SRBD1: variants seen among roughly 807,000 people sequenced by gnomAD.
The protein encoded by SRBD1 is S1 RNA-binding domain-containing protein 1.
A neutral mutation model predicts 115.3 loss-of-function variants in SRBD1; 88 were observed. The observed-to-expected ratio is 0.76, with a 90% confidence interval of 0.64 to 0.91. SRBD1 has a LOEUF of 0.91. Among genes scored for constraint, SRBD1 ranks in the 40% least tolerant of loss-of-function variants. The probability of loss-of-function intolerance (pLI) is 0.00; values close to 1 mark genes in which losing one functional copy is unlikely to be tolerated. For missense variants in SRBD1, 1,385 were observed against 1,177.4 expected (o/e 1.18, Z -2.58); for synonymous variants, 509 against 407.7 (o/e 1.25, Z -2.99).
At chr2:45,596,440 G>C (rs1186310063) in intron 4 of SRBD1, among the ~76,000 whole-genome samples, 1 of 152,180 alleles carries the variant, frequency 6.6e-6, no homozygotes, top group African/African-American at 2.4e-5. Context: ...TTCTCTCAAA[G>C]CTCTGAAATC....
chr2:45,536,703 T>A (rs929239319), intron 14 of SRBD1, among the ~76,000 whole-genome samples: 1 of 152,162 alleles, frequency 6.6e-6, no homozygotes, highest in Non-Finnish European at 1.5e-5. Flanking sequence ...AGTACATTTG[T>A]CCAGCTTACA....
chr2:45,546,991 C>T lies in SRBD1; in HGVS notation c.1767-152G>A, dbSNP rs1329154406. 4.2e-6 allele frequency: 3 copies of T among 717,488 alleles called. No homozygotes were observed. The Admixed American group carries it at 6.9e-5, about 16-fold the overall frequency. 44.4% of individuals were successfully genotyped at this position (717,488 alleles called of 1,614,324 possible). ...TGTCCACTGTTGCATAAGGAAAACA[C>T]AGACTTATATGGAATAAAAGACACT... On this transcript the variant is annotated intron_variant, in intron 13 of 20. Transcript: ENST00000263736.
chr2:45,398,609 A>C (rs550047266), intron 19 of SRBD1, among the ~76,000 whole-genome samples: 1 of 152,300 alleles, frequency 6.6e-6, no homozygotes, highest in Admixed American at 6.5e-5. Context: ...TTATTTTAAA[A>C]TTTCTATTAC....
intron 14 of SRBD1, among the ~76,000 whole-genome samples, chr2:45,504,617 A>T (rs115933496): frequency 1.2e-3 from 178 of 152,288 alleles, no homozygotes; most frequent in African/African-American, 4.1e-3. Flanking sequence ...TTTTTCACCA[A>T]TTTCCTTCCT....
At chr2:45,598,008 A>G (rs1673959031) in intron 4 of SRBD1, among the ~76,000 whole-genome samples, 1 of 152,220 alleles carries the variant, frequency 6.6e-6, no homozygotes, top group Non-Finnish European at 1.5e-5. Context: ...ATAACCTTAA[A>G]AAGCGTTAGA....
rs568711493 is a variant in SRBD1, at chr2:45,501,675, C to A, written c.1875-13344G>T. Reference sequence around the variant, plus strand: ...CCTGGCTCGGAGGGTCCCACACCCACAGAGCCTTGCTCATTGGTAGCACAG... The same window carrying A: ...CCTGGCTCGGAGGGTCCCACACCCAAAGAGCCTTGCTCATTGGTAGCACAG... On this transcript the variant is annotated intron_variant, in intron 14 of 20. Coordinates refer to ENST00000263736, the MANE Select transcript of SRBD1 (RefSeq NM_018079.5). Among the ~76,000 whole-genome samples, 4 of 152,308 alleles carry A rather than the reference C, an allele frequency of 2.6e-5. No homozygotes were observed. In the East Asian group the frequency reaches 5.8e-4, roughly 22 times the overall value.
intron 14 of SRBD1, among the ~76,000 whole-genome samples, chr2:45,533,490 T>C (rs1409082040): frequency 6.6e-6 from 1 of 152,024 alleles, no homozygotes; most frequent in Non-Finnish European, 1.5e-5. Flanking sequence ...TCAGAAACTA[T>C]CCTTTTCTAC....
intron 14 of SRBD1, among the ~76,000 whole-genome samples, chr2:45,507,582 A>G (rs1670835315): frequency 6.6e-6 from 1 of 151,796 alleles, no homozygotes; most frequent in East Asian, 1.9e-4. Context: ...TTAGCCCGGC[A>G]TGGTGGCGGG....
Position 45,551,950 on chromosome 2 carries a change from C to T in SRBD1, c.1518-668G>A, listed in dbSNP as rs571964171. ...ACCAAGATCATCTATGACGCTAGTTCAGTAATCCAGACAAAAAATGATGAT... is the reference window on the plus strand; with the variant it reads ...ACCAAGATCATCTATGACGCTAGTTTAGTAATCCAGACAAAAAATGATGAT... On this transcript the variant is annotated intron_variant, in intron 11 of 20. Coordinates refer to ENST00000263736, the MANE Select transcript of SRBD1 (RefSeq NM_018079.5). 1.1e-4 allele frequency among the ~76,000 whole-genome samples: 17 copies of T among 152,170 alleles called. No homozygotes were observed. The South Asian group carries it at 3.1e-3, about 28-fold the overall frequency.
chr2:45,594,108 G>A (rs1027606001), intron 4 of SRBD1, among the ~76,000 whole-genome samples: 7 of 151,994 alleles, frequency 4.6e-5, no homozygotes, highest in Non-Finnish European at 8.8e-5. Flanking sequence ...AATTTCTCCT[G>A]GACAAATAGG....
intron 9 of SRBD1, among the ~76,000 whole-genome samples, chr2:45,571,517 C>CAAAAAAAAAACAAAAAAAAAAA (rs1673010251): frequency 2.5e-5 from 1 of 39,404 alleles, no homozygotes; most frequent in African/African-American, 9.0e-5. Context: ...CAGACTTTAC[C>CAAAAAAAAAACAAAAAAAAAAA]AAAAAAAAAA....
chr2:45,607,851 A>G (rs1349975481), intron 1 of SRBD1, among the ~76,000 whole-genome samples: 6 of 152,236 alleles, frequency 3.9e-5, no homozygotes, highest in Admixed American at 3.9e-4. Flanking sequence ...ACTGAATGCT[A>G]AAGGCAGAGA....
chr2:45,596,519 A>G (rs907923317), intron 4 of SRBD1, among the ~76,000 whole-genome samples: 1 of 152,220 alleles, frequency 6.6e-6, no homozygotes, highest in African/African-American at 2.4e-5. Flanking sequence ...CTTTGAGTCA[A>G]TTCTCAGTAA....
intron 14 of SRBD1, among the ~76,000 whole-genome samples, chr2:45,509,221 G>A (rs776914251): frequency 6.6e-6 from 1 of 152,014 alleles, no homozygotes. Flanking sequence ...TCCTCATCTA[G>A]AATAAGTCAC....
At chr2:45,572,930 G>C (rs1036343640) in intron 9 of SRBD1, among the ~76,000 whole-genome samples, 1 of 152,084 alleles carries the variant, frequency 6.6e-6, no homozygotes, top group Non-Finnish European at 1.5e-5. Context: ...CTGGGAAGCA[G>C]AGTCTAACAA....
chr2:45,410,368 C>G (rs940454074), intron 19 of SRBD1, among the ~76,000 whole-genome samples: 1 of 152,146 alleles, frequency 6.6e-6, no homozygotes, highest in Non-Finnish European at 1.5e-5. Flanking sequence ...ATCAATTCCT[C>G]TCGTATGTAT....
rs551376393 is a variant in SRBD1, at chr2:45,488,108, T to C, written c.1966+132A>G. On this transcript the variant is annotated intron_variant, in intron 15 of 20. Transcript: ENST00000263736. ...TATTAGTCCAATTAACCACTTTCTTTCTAATATGCCAATTCTTATGCATGT... is the reference window on the plus strand; with the variant it reads ...TATTAGTCCAATTAACCACTTTCTTCCTAATATGCCAATTCTTATGCATGT... 4.2e-6 allele frequency: 3 copies of C among 712,932 alleles called. No individual in the cohort carries two copies. In the South Asian group the frequency reaches 5.0e-5, roughly 12 times the overall value. The allele number at this position is 712,932 out of a possible 1,614,324, so 44.2% of individuals were successfully genotyped here.
At chr2:45,570,261 C>T (rs759507850) in intron 9 of SRBD1, among the ~76,000 whole-genome samples, 3 of 152,096 alleles carry the variant, frequency 2.0e-5, no homozygotes, top group Non-Finnish European at 4.4e-5. Flanking sequence ...GGCAAAAGGA[C>T]CAAGGGCAAG....
At chr2:45,473,029 G>C (rs1408963032) in intron 16 of SRBD1, among the ~76,000 whole-genome samples, 1 of 150,874 alleles carries the variant, frequency 6.6e-6, no homozygotes, top group African/African-American at 2.4e-5. Flanking sequence ...AAAGTCTTAA[G>C]TTCTATTAAT....
Sources: allele counts gnomAD v4.1 joint callset (sites outside exome capture counted in the v4.1 genomes callset), GRCh38; gene constraint gnomAD v4.1.1; transcripts MANE v1.5; gene names NCBI Gene and HGNC (gene_info 2026-07-23, HGNC 2026-07-21).